The following DNAJC4 variants were observed in gnomAD, a reference collection of about 807,000 sequenced individuals.
DNAJC4 encodes the protein DnaJ heat shock protein family (Hsp40) member C4.
A neutral mutation model predicts 26.8 loss-of-function variants in DNAJC4; 26 were observed. The ratio of observed to expected loss-of-function variants is 0.97; its 90% CI spans 0.71 to 1.34. The LOEUF (loss-of-function observed/expected upper bound fraction) is 1.34. Among genes scored for constraint, DNAJC4 ranks in the 40% most tolerant of loss-of-function variants. The pLI, the probability that DNAJC4 is intolerant of heterozygous loss-of-function variation, is 0.00. For synonymous variants in DNAJC4, 134 were observed against 127.8 expected, an observed-to-expected ratio of 1.05 and a Z score of -0.33; for missense variants, 342 against 321.1, an observed-to-expected ratio of 1.07 and a Z score of -0.50.
In DNAJC4 at chr11:64,232,178, G is replaced by C. The variant is rs528037876; in HGVS notation, c.180+214G>C. 136 of 709,412 alleles carry C rather than the reference G, an allele frequency of 1.9e-4. No individual in the cohort carries two copies. In the African/African-American group the frequency reaches 2.3e-3, roughly 12 times the overall value. 43.9% of individuals were successfully genotyped at this position (709,412 alleles called of 1,614,324 possible). Reference sequence around the variant, plus strand: ...TGGGCTTGGTTTTCTTGACCTGCCTGCCTGCTCTTGAGAAACCTGGACCAG... The same window carrying C: ...TGGGCTTGGTTTTCTTGACCTGCCTCCCTGCTCTTGAGAAACCTGGACCAG... On this transcript the variant is annotated intron_variant, in intron 2 of 5. Transcript: ENST00000628077.
At chr11:64,232,678 A>G (rs760482568) in intron 3 of DNAJC4, 26 bp from the exon 4 acceptor site, 44 of 1,579,258 alleles carry the variant, frequency 2.8e-5, no homozygotes, top group Non-Finnish European at 3.4e-5. Context: ...CATTTCCACA[A>G]TGTCCCTTCC....
chr11:64,231,085 G>T (rs767025705), intron 1 of DNAJC4, 145 bp downstream of exon 1: 1 of 1,089,366 alleles, frequency 9.2e-7, no homozygotes, highest in South Asian at 1.3e-5. Context: ...GAGGATCAGA[G>T]ATAGAGAAGA....
chr11:64,230,467 G>C, upstream of DNAJC4: 1 of 532,714 alleles, frequency 1.9e-6, no homozygotes, highest in East Asian at 4.7e-5. Flanking sequence ...CAATGAGAAT[G>C]TGAGGGCGGG....
chr11:64,230,997 G>A lies in DNAJC4; in HGVS notation c.86+57G>A, dbSNP rs1446384656. On this transcript the variant is annotated intron_variant, in intron 1 of 5. Transcript: ENST00000628077. ...TTCAATGGGTTTCTGTTTGCCCTAC[G>A]TGCTGAGTTAGTTGTGGTCTCTACT... The A allele has an allele frequency of 4.6e-6, 7 of 1,530,832 alleles. No individual in the cohort carries two copies. The African/African-American group carries it at 8.2e-5, about 18-fold the overall frequency. The allele number at this position is 1,530,832 out of a possible 1,614,324, so 94.8% of individuals were successfully genotyped here.
rs1288637763 is a variant in DNAJC4, at chr11:64,231,924, C to G, written c.140C>G (p.Thr47Ser). 3.1e-6 allele frequency: 5 copies of G among 1,613,966 alleles called. No homozygotes were observed. The highest frequency in any genetic ancestry group is 8.5e-7 in the Non-Finnish European group (1 of 1,180,010). The change falls in exon 2 of 6, where the codon ACT (threonine) becomes AGT (serine). Residue 47 changes from threonine (T) to serine (S), a missense_variant. Transcript: ENST00000628077. The part of the protein sequence containing the change: ...ELLGVHPGAS[T>S]EEVKRAFFSK... ...TTGGGGGTGCATCCTGGTGCCAGCA[C>G]TGAGGAAGTTAAACGAGCTTTCTTC...
Position 64,233,938 on chromosome 11 carries a change from G to A in DNAJC4, c.572G>A (p.Arg191Gln). 1.9e-6 allele frequency: 3 copies of A among 1,614,054 alleles called. No homozygotes were observed. Among genetic ancestry groups the A allele is most frequent in the South Asian group, 1.1e-5 (1 of 91,088 alleles). The change falls in exon 5 of 6, where the codon CGG becomes CAG. Residue 191 changes from arginine to glutamine, a missense_variant. Arg to Gln is a conservative substitution (Grantham distance 43). Coordinates refer to ENST00000628077, the MANE Select transcript of DNAJC4 (RefSeq NM_005528.4). The part of the protein sequence containing the change: ...MHLNFMDEKD[R>Q]IITAFYNEAR... ...CTTAACTTCATGGATGAAAAGGATC[G>A]GATCATCACAGCCTTCTACAACGAA...
rs1411096315 is a variant in DNAJC4, at chr11:64,232,252, A to G, written c.181-178A>G. The G allele has an allele frequency of 4.9e-6, 4 of 822,032 alleles. No homozygotes were observed. In the African/African-American group the frequency reaches 5.2e-5, roughly 11 times the overall value. 50.9% of individuals were successfully genotyped at this position (822,032 alleles called of 1,614,324 possible). ...TGGCAGGTGGGGAGGGCTTGAACACAGGAGGAAGCAGGAGTCCATGCTCTC... is the reference window on the plus strand; with the variant it reads ...TGGCAGGTGGGGAGGGCTTGAACACGGGAGGAAGCAGGAGTCCATGCTCTC... On this transcript the variant is annotated intron_variant, in intron 2 of 5. Coordinates refer to ENST00000628077, the MANE Select transcript of DNAJC4 (RefSeq NM_005528.4).
intron 2 of DNAJC4, 115 bp from the exon 3 acceptor site, chr11:64,232,315 A>G: frequency 7.5e-7 from 1 of 1,330,750 alleles, no homozygotes; most frequent in Non-Finnish European, 1.0e-6. Flanking sequence ...AGTGAGGGTC[A>G]CTGACCAGGC....
At chr11:64,233,126 C>T (rs35090903) in intron 4 of DNAJC4, 65,117 of 369,608 alleles carry the variant, frequency 0.18, 6,099 homozygotes, top group Admixed American at 0.29. Context: ...TTGAGCCAAA[C>T]AAAATCAAGC....
Position 64,230,702 on chromosome 11 carries a change from C to A in DNAJC4, c.-153C>A. On this transcript the variant is annotated 5_prime_UTR_variant, in exon 1 of 6. Transcript: ENST00000628077. ...AAGGACACGCGGGTCTGGTCCTGGGCAAGAACCGCCCCCTCTCCGGGCCTG... is the reference window on the plus strand; with the variant it reads ...AAGGACACGCGGGTCTGGTCCTGGGAAAGAACCGCCCCCTCTCCGGGCCTG... The A allele has an allele frequency of 9.3e-7, 1 of 1,077,246 alleles. No individual in the cohort carries two copies. Among genetic ancestry groups the A allele is most frequent in the Non-Finnish European group, 1.3e-6 (1 of 741,128 alleles). The allele number at this position is 1,077,246 out of a possible 1,614,324, so 66.7% of individuals were successfully genotyped here. A position where few individuals can be genotyped will look rare whatever the true frequency, so the allele number is the denominator to read the frequency against.
chr11:64,231,254 A>T (rs1947171917), intron 1 of DNAJC4: 1 of 476,182 alleles, frequency 2.1e-6, no homozygotes, highest in Non-Finnish European at 3.9e-6. Flanking sequence ...TCGGGTACAA[A>T]ATCCAGATTC....
chr11:64,230,455 G>A (rs1160745224), upstream of DNAJC4: 1 of 520,642 alleles, frequency 1.9e-6, no homozygotes, highest in Non-Finnish European at 3.7e-6. Flanking sequence ...TGGCATCCAC[G>A]CCAATGAGAA....
intron 1 of DNAJC4, chr11:64,231,628 C>T (rs967511041): frequency 4.3e-6 from 2 of 466,444 alleles, no homozygotes; most frequent in African/African-American, 1.9e-5. Flanking sequence ...GCGTGAGCCA[C>T]CGCGCCTGTC....
In DNAJC4 at chr11:64,232,590, A is replaced by T; in HGVS notation, c.341A>T (p.Asp114Val). 6.2e-7 allele frequency: 1 copy of T among 1,605,244 alleles called. No homozygotes were observed. The highest frequency in any genetic ancestry group is 8.5e-7 in the Non-Finnish European group (1 of 1,173,506). ...PPKSPRTTVH[D>V]KSAHQTHSSW... ...AAGTCTCCACGAACCACAGTCCATGACAAGTCTGCCCACCAAACACACAGG... is the reference window on the plus strand; with the variant it reads ...AAGTCTCCACGAACCACAGTCCATGTCAAGTCTGCCCACCAAACACACAGG... Residue 114 changes from aspartate to valine, a missense_variant, in exon 3 of 6, where the codon GAC becomes GTC. Transcript: ENST00000628077.
rs199630430 is a variant in DNAJC4, at chr11:64,232,880, C to T, written c.527+15C>T. The T allele has an allele frequency of 8.6e-5, 134 of 1,556,606 alleles. No homozygotes were observed. In the East Asian group the frequency reaches 1.6e-3, roughly 18 times the overall value. On this transcript the variant is annotated intron_variant, in intron 4 of 5. Transcript: ENST00000628077. ...ATTGCCTTCAGGTGATGCCTGTTCT[C>T]CCCGGGGTGATGGGCAGAGGGCAGG... is the stretch of plus-strand genomic sequence containing the variant.
At position 64,232,854 on chromosome 11, in the gene DNAJC4, C is replaced by T; in HGVS notation, c.516C>T (p.Tyr172=). ...LLMLAGMGLH[Y]IAFRKVKQMH... Reference sequence around the variant, plus strand: ...TGCTGGCGGGCATGGGCCTGCACTACATTGCCTTCAGGTGATGCCTGTTCT... The same window carrying T: ...TGCTGGCGGGCATGGGCCTGCACTATATTGCCTTCAGGTGATGCCTGTTCT... Residue 172 remains tyrosine (Y), a synonymous_variant, in exon 4 of 6, where the codon TAC becomes TAT. Coordinates refer to ENST00000628077, the MANE Select transcript of DNAJC4 (RefSeq NM_005528.4). 1 of 1,594,876 alleles carries T rather than the reference C, an allele frequency of 6.3e-7. No homozygotes were observed. The highest frequency in any genetic ancestry group is 8.6e-7 in the Non-Finnish European group (1 of 1,169,202).
intron 1 of DNAJC4, 200 bp from the exon 2 acceptor site, chr11:64,231,671 C>T: frequency 1.9e-6 from 1 of 537,458 alleles, no homozygotes; most frequent in East Asian, 2.9e-5. Flanking sequence ...AGTTTTTGGA[C>T]TCCACTTTGA....
At chr11:64,231,472 G>T in intron 1 of DNAJC4, 1 of 208,914 alleles carries the variant, frequency 4.8e-6, no homozygotes. Flanking sequence ...CTCCCGAGTA[G>T]CTGGGATTAC....
intron 4 of DNAJC4, 34 bp downstream of exon 4, chr11:64,232,899 G>A: frequency 6.5e-7 from 1 of 1,526,958 alleles, no homozygotes; most frequent in Non-Finnish European, 8.8e-7. Context: ...GATGGGCAGA[G>A]GGCAGGAGGG....
Sources: gnomAD v4.1 joint callset for allele counts on GRCh38, gnomAD v4.1.1 for gene constraint, MANE v1.5 for transcripts, NCBI Gene and HGNC (gene_info 2026-07-23, HGNC 2026-07-21) for gene names.